SBF1: variants seen among roughly 807,000 people sequenced by gnomAD.
SBF1 encodes myotubularin-related protein 5.
Under a neutral mutation model 215.8 loss-of-function variants are expected in SBF1, and 65 were observed. The ratio of observed to expected loss-of-function variants is 0.30; its 90% CI spans 0.25 to 0.37. The LOEUF (loss-of-function observed/expected upper bound fraction) is 0.37. Among genes scored for constraint, SBF1 ranks in the 10% least tolerant of loss-of-function variants. The pLI is 1.00. For synonymous variants in SBF1, 1,410 were observed against 1,122.8 expected, an observed-to-expected ratio of 1.26 and a Z score of -5.11; for missense variants, 2,634 against 2,667.8, an observed-to-expected ratio of 0.99 and a Z score of 0.28.
chr22:50,473,891 A>G (rs2068080108), intron 1 of SBF1, among the ~76,000 whole-genome samples: 1 of 152,204 alleles, frequency 6.6e-6, no homozygotes, highest in Non-Finnish European at 1.5e-5. Flanking sequence ...TAACTTCTCT[A>G]CAGATGGGGG....
Position 50,464,937 on chromosome 22 carries a change from G to C in SBF1, c.1333-20C>G, listed in dbSNP as rs565943608. On this transcript the variant is annotated intron_variant, in intron 12 of 40. Transcript: ENST00000380817. Reference sequence around the variant, plus strand: ...CACCAGCTAGCGGGGTAAGCAGGAGGTTAGGTAAGCCATGGTCAGGCGGAG... The same window carrying C: ...CACCAGCTAGCGGGGTAAGCAGGAGCTTAGGTAAGCCATGGTCAGGCGGAG... 6.2e-7 allele frequency: 1 copy of C among 1,613,770 alleles called. No homozygotes were observed. Among genetic ancestry groups the C allele is most frequent in the East Asian group, 2.2e-5 (1 of 44,866 alleles).
intron 1 of SBF1, among the ~76,000 whole-genome samples, chr22:50,470,550 C>T (rs1208193223): frequency 1.3e-5 from 2 of 152,158 alleles, no homozygotes; most frequent in Non-Finnish European, 2.9e-5. Flanking sequence ...CATGACAGCC[C>T]CAGACTGGCC....
chr22:50,474,082 G>A (rs761957655), intron 1 of SBF1, among the ~76,000 whole-genome samples: 13 of 152,186 alleles, frequency 8.5e-5, no homozygotes, highest in South Asian at 2.1e-4. Context: ...TCTCAGACAC[G>A]GGCGCTGACC....
chr22:50,472,420 A>G (rs377167911), intron 1 of SBF1, among the ~76,000 whole-genome samples: 1 of 152,298 alleles, frequency 6.6e-6, no homozygotes, highest in East Asian at 1.9e-4. Context: ...CCCGCCCTGA[A>G]GTCCTAGCCT....
chr22:50,465,940 C>T (rs2067733715), intron 9 of SBF1, 21 bp downstream of exon 9: 2 of 1,612,396 alleles, frequency 1.2e-6, no homozygotes. Flanking sequence ...AAGGCTCCCG[C>T]TTGCCCATGG....
chr22:50,448,545 G>A lies in SBF1; in HGVS notation c.5149C>T (p.Arg1717Cys), dbSNP rs750453086. Residue 1717 changes from arginine to cysteine, a missense_variant and splice_region_variant, in exon 37 of 41, where the codon CGT (arginine) becomes TGT (cysteine). Coordinates refer to ENST00000380817, the MANE Select transcript of SBF1 (RefSeq NM_002972.4). ...AQRLEGRPDGRGTPSSLLVST... is the reference protein window; with the variant it reads ...AQRLEGRPDGCGTPSSLLVST... ...CGCTCACACTGGCCCTCACTCACAC[G>A]GCCGTCTGGCCGGCCCTCGAGGCGC... 6.6e-5 allele frequency: 106 copies of A among 1,611,854 alleles called. 1 individual carries two copies. The highest frequency in any genetic ancestry group is 2.5e-4 in the East Asian group (11 of 44,876).
rs201295424 is a variant in SBF1 at position 50,466,014 on chromosome 22, T to C, written c.958A>G (p.Ile320Val). Residue 320 changes from isoleucine (I) to valine (V), a missense_variant, in exon 9 of 41, where the codon ATT becomes GTT. By Grantham distance (29) the Ile-to-Val change is conservative. Transcript: ENST00000380817. ...TGCAGTGGCTCTGGCAAGGGTGGAA[T>C]GTGCACACACTCAGGAATGGTGACC... ...GTVTIPECVH[I>V]PPLPEPLQSQ... The C allele has an allele frequency of 6.8e-6, 11 of 1,614,002 alleles. No homozygotes were observed. Among genetic ancestry groups the C allele is most frequent in the Non-Finnish European group, 9.3e-6 (11 of 1,180,042 alleles).
chr22:50,461,520 C>T lies in SBF1; in HGVS notation c.2839+3G>A, dbSNP rs1426378053. Reference sequence around the variant, plus strand: ...GACAGGGCCAGAGAGTCTGCAGGCTCACCCAGGGGGTCCGTGGGCATCCCC... The same window carrying T: ...GACAGGGCCAGAGAGTCTGCAGGCTTACCCAGGGGGTCCGTGGGCATCCCC... On this transcript the variant is annotated splice_donor_region_variant and intron_variant, in intron 22 of 40. Transcript: ENST00000380817. 6.3e-7 allele frequency: 1 copy of T among 1,593,578 alleles called. No individual in the cohort carries two copies. The highest frequency in any genetic ancestry group is 1.7e-5 in the Admixed American group (1 of 59,418).
chr22:50,465,366 G>A lies in SBF1; in HGVS notation c.1090-38C>T, dbSNP rs752412477. ...CTGAGTGCAGGTGAGAGCCAGTCCTGCCAATCCCCACCCCAGGCTGCCCAG... is the reference window on the plus strand; with the variant it reads ...CTGAGTGCAGGTGAGAGCCAGTCCTACCAATCCCCACCCCAGGCTGCCCAG... On this transcript the variant is annotated intron_variant, in intron 10 of 40. Transcript: ENST00000380817. 2.6e-6 allele frequency: 4 copies of A among 1,521,492 alleles called. No individual in the cohort carries two copies. In the Admixed American group the frequency reaches 7.9e-5, roughly 30 times the overall value. The allele number at this position is 1,521,492 out of a possible 1,614,324, so 94.2% of individuals were successfully genotyped here.
chr22:50,459,223 C>T (rs1447078151), intron 28 of SBF1, 32 bp downstream of exon 28: 1 of 1,578,482 alleles, frequency 6.3e-7, no homozygotes, highest in African/African-American at 1.3e-5. Flanking sequence ...CAAAGTGCCC[C>T]TGCCCCACCG....
At chr22:50,453,331 T>C (rs971373252) in intron 36 of SBF1, among the ~76,000 whole-genome samples, 2 of 152,244 alleles carry the variant, frequency 1.3e-5, no homozygotes, top group African/African-American at 4.8e-5. Flanking sequence ...GTCTGTGCTT[T>C]GTGGGTCACC....
At chr22:50,465,702 ACCTGAGTGGGGGCAG>A in intron 10 of SBF1, 46 bp downstream of exon 10, 1 of 1,469,720 alleles carries the variant, frequency 6.8e-7, no homozygotes, top group Non-Finnish European at 9.2e-7. Flanking sequence ...GTGGCAGCAG[ACCTGAGTGGGGGCAG>A]CCTAAGTGCC....
chr22:50,466,370 C>T lies in SBF1; in HGVS notation c.768G>A (p.Leu256=), dbSNP rs1326101742. The change falls in exon 7 of 41, where the codon CTG becomes CTA. Residue 256 remains leucine, a synonymous_variant. Transcript: ENST00000380817. The stretch of plus-strand genomic sequence containing the variant: ...GTCACCTGTATCTGAGAGGAAACAG[C>T]AGTGCCAGGAGGCCCCTACAGGCAT... ...LADACRGLLA[L]LFPLRYSFTY... The T allele has an allele frequency of 2.6e-6, 4 of 1,560,910 alleles. No individual in the cohort carries two copies. The highest frequency in any genetic ancestry group is 4.8e-5 in the East Asian group (2 of 41,372).
chr22:50,447,278 A>G (rs755690161), intron 40 of SBF1, 38 bp from the exon 41 acceptor site: 1 of 1,613,132 alleles, frequency 6.2e-7, no homozygotes, highest in Admixed American at 1.7e-5. Context: ...CAGCCCCCAC[A>G]CCGCAGAGCC....
In SBF1 at chr22:50,448,284, C is replaced by T. The variant is rs559286048; in HGVS notation, c.5312G>A (p.Arg1771His). 28 of 1,613,060 alleles carry T rather than the reference C, an allele frequency of 1.7e-5. No individual in the cohort carries two copies. In the Admixed American group the frequency reaches 4.0e-4, roughly 23 times the overall value. Residue 1771 changes from arginine (R) to histidine (H), a missense_variant, in exon 38 of 41, where the codon CGC becomes CAC. Arg to His is a conservative substitution (Grantham distance 29, BLOSUM62 0). Coordinates refer to ENST00000380817, the MANE Select transcript of SBF1 (RefSeq NM_002972.4). ...CTGGCTGTACAGGGTGCTGGTGCTG[C>T]GGCGGGCAGCCTGACGGGAGCCGGA... is the stretch of plus-strand genomic sequence containing the variant. ...TTSGSRQAAR[R>H]STSTLYSQFQ... is the part of the protein sequence containing the mutation.
intron 1 of SBF1, among the ~76,000 whole-genome samples, chr22:50,469,312 G>A (rs1310634750): frequency 6.6e-6 from 1 of 152,246 alleles, no homozygotes; most frequent in Admixed American, 6.5e-5. Flanking sequence ...GCCAGGAGGA[G>A]GGCTTTCAGG....
chr22:50,462,133 G>C lies in SBF1; in HGVS notation c.2397-14C>G, dbSNP rs991839092. On this transcript the variant is annotated splice_polypyrimidine_tract_variant and intron_variant, in intron 19 of 40. Transcript: ENST00000380817. ...CTGCCAGCCATGCTGGGCCAGAGAAGAAACTGTGGGCATGGGCCCTGCCCA... is the reference window on the plus strand; with the variant it reads ...CTGCCAGCCATGCTGGGCCAGAGAACAAACTGTGGGCATGGGCCCTGCCCA... The C allele has an allele frequency of 1.2e-6, 2 of 1,611,812 alleles. No individual in the cohort carries two copies. The highest frequency in any genetic ancestry group is 1.1e-5 in the South Asian group (1 of 91,090).
Position 50,446,823 on chromosome 22 carries a change from T to G in SBF1, c.*319A>C. On this transcript the variant is annotated 3_prime_UTR_variant, in exon 41 of 41. Transcript: ENST00000380817. Reference sequence around the variant, plus strand: ...CAGGAGCGTGGCGTTAGTTCTCTCTTTATATAGACTCTGGTTCTAGAAACT... The same window carrying G: ...CAGGAGCGTGGCGTTAGTTCTCTCTGTATATAGACTCTGGTTCTAGAAACT... 3 of 675,760 alleles carry G rather than the reference T, an allele frequency of 4.4e-6. No homozygotes were observed. Among genetic ancestry groups the G allele is most frequent in the East Asian group, 3.0e-5 (1 of 33,872 alleles). The allele number at this position is 675,760 out of a possible 1,614,324, so 41.9% of individuals were successfully genotyped here. A position where few individuals can be genotyped will look rare whatever the true frequency, so the allele number is the denominator to read the frequency against.
chr22:50,446,178 C>T lies in SBF1; in HGVS notation c.*964G>A, dbSNP rs948940867. The stretch of plus-strand genomic sequence containing the variant: ...AGAGCAGTGAGGGGCCACAGTGACA[C>T]CAAGAAGGGAAGGACGGGGGCCCTC... On this transcript the variant is annotated 3_prime_UTR_variant, in exon 41 of 41. Coordinates refer to ENST00000380817, the MANE Select transcript of SBF1 (RefSeq NM_002972.4). The T allele has an allele frequency of 6.5e-6, 1 of 152,776 alleles. No homozygotes were observed. Among genetic ancestry groups the T allele is most frequent in the Non-Finnish European group, 1.5e-5 (1 of 68,478 alleles). The allele number at this position is 152,776 out of a possible 1,614,324, so 9.5% of individuals were successfully genotyped here.
Sources: gnomAD v4.1 joint callset for allele counts (sites outside exome capture counted in the v4.1 genomes callset) on GRCh38, gnomAD v4.1.1 for gene constraint, MANE v1.5 for transcripts, NCBI Gene and HGNC (gene_info 2026-07-23, HGNC 2026-07-21) for gene names.